The following NR3C2 variants were observed in gnomAD, a reference collection of about 807,000 sequenced individuals.
NR3C2 encodes mineralocorticoid receptor.
NR3C2 carries 15 observed loss-of-function variants against 86.4 expected under a neutral mutation model. The observed-to-expected ratio is 0.17, with a 90% CI of 0.12 to 0.27. NR3C2 has a LOEUF of 0.27. Among genes scored for constraint, NR3C2 ranks in the 10% least tolerant of loss-of-function variants. The pLI is 1.00. For synonymous variants in NR3C2, 458 were observed against 450.5 expected (o/e 1.02, Z -0.21); for missense variants, 960 against 1,195.6 (o/e 0.80, Z 2.91).
At chr4:148,224,433 T>C (rs944854482) in intron 3 of NR3C2, among the ~76,000 whole-genome samples, 1 of 152,226 alleles carries the variant, frequency 6.6e-6, no homozygotes, top group Non-Finnish European at 1.5e-5. Context: ...AAGCACTAAA[T>C]AAATGTTTGT....
chr4:148,405,147 T>C (rs1748352858), intron 2 of NR3C2, among the ~76,000 whole-genome samples: 1 of 152,216 alleles, frequency 6.6e-6, no homozygotes, highest in African/African-American at 2.4e-5. Flanking sequence ...AGCCAATCGA[T>C]GGAAATAGAT....
chr4:148,233,466 T>C (rs949036618), intron 3 of NR3C2, among the ~76,000 whole-genome samples: 1 of 151,534 alleles, frequency 6.6e-6, no homozygotes, highest in African/African-American at 2.4e-5. Flanking sequence ...GTTTAAATGA[T>C]CCTCACACTT....
chr4:148,234,953 T>G (rs1738671938), intron 3 of NR3C2, among the ~76,000 whole-genome samples: 1 of 152,162 alleles, frequency 6.6e-6, no homozygotes, highest in Admixed American at 6.5e-5. Context: ...CTGCTAAACA[T>G]GAAAATATTT....
intron 2 of NR3C2, among the ~76,000 whole-genome samples, chr4:148,417,472 T>C (rs1285819567): frequency 1.3e-5 from 2 of 152,210 alleles, no homozygotes; most frequent in South Asian, 2.1e-4. Context: ...ATCTTAAGCA[T>C]AGTGAGATTG....
intron 2 of NR3C2, among the ~76,000 whole-genome samples, chr4:148,345,502 T>C (rs983511950): frequency 2.0e-5 from 3 of 151,990 alleles, no homozygotes; most frequent in African/African-American, 7.2e-5. Flanking sequence ...ACAACCTCTA[T>C]CTTATGGATT....
intron 2 of NR3C2, among the ~76,000 whole-genome samples, chr4:148,364,725 T>C (rs1418203063): frequency 6.6e-6 from 1 of 152,194 alleles, no homozygotes; most frequent in African/African-American, 2.4e-5. Flanking sequence ...ATGTGCCATA[T>C]GGCCTGACTG....
At chr4:148,103,075 G>A (rs1731613225) in intron 8 of NR3C2, among the ~76,000 whole-genome samples, 1 of 152,156 alleles carries the variant, frequency 6.6e-6, no homozygotes, top group Non-Finnish European at 1.5e-5. Context: ...TCCCTCCCTT[G>A]GGATGTTAAC....
chr4:148,386,691 G>T (rs939761561), intron 2 of NR3C2, among the ~76,000 whole-genome samples: 19 of 152,080 alleles, frequency 1.2e-4, no homozygotes, highest in African/African-American at 4.6e-4. Flanking sequence ...CCTAACTCAG[G>T]GCCTGCAAAA....
Position 148,321,202 on chromosome 4 carries a change from T to C in NR3C2, c.1758-61085A>G, listed in dbSNP as rs1233586677. On this transcript the variant is annotated intron_variant, in intron 2 of 8. Coordinates refer to ENST00000358102, the MANE Select transcript of NR3C2 (RefSeq NM_000901.5). The stretch of plus-strand genomic sequence containing the variant: ...GTTGAGCGGTTTTGAGTGAGATTCT[T>C]AATCCTGAGTTCTAGTTTGATTGCA... Among the ~76,000 whole-genome samples, 74 of 127,846 alleles carry C rather than the reference T, an allele frequency of 5.8e-4. 17 individuals are homozygous for C. Among genetic ancestry groups the C allele is most frequent in the Non-Finnish European group, 3.5e-4 (20 of 56,892 alleles). 83.9% of individuals were successfully genotyped at this position (127,846 alleles called of 152,430 possible).
chr4:148,395,124 A>G lies in NR3C2; in HGVS notation c.1757+39980T>C, dbSNP rs1416074660. ...AGAAAAAAAAATAGGATATGTACTT[A>G]AATACACACGTGTGTGTATGTGTGG... On this transcript the variant is annotated intron_variant, in intron 2 of 8. Coordinates refer to ENST00000358102, the MANE Select transcript of NR3C2 (RefSeq NM_000901.5). 2.6e-5 allele frequency among the ~76,000 whole-genome samples: 4 copies of G among 152,194 alleles called. No homozygotes were observed. The East Asian group carries it at 5.8e-4, about 22-fold the overall frequency.
At chr4:148,314,272 T>G (rs1743049995) in intron 2 of NR3C2, among the ~76,000 whole-genome samples, 1 of 152,230 alleles carries the variant, frequency 6.6e-6, no homozygotes, top group Non-Finnish European at 1.5e-5. Context: ...CAGTTGCTGA[T>G]GCAAGTTATG....
chr4:148,364,840 G>A (rs1579209727), intron 2 of NR3C2, among the ~76,000 whole-genome samples: 2 of 149,968 alleles, frequency 1.3e-5, no homozygotes, highest in Non-Finnish European at 3.0e-5. Flanking sequence ...TGGAATACTG[G>A]CACAAACATA....
At chr4:148,432,711 CA>C (rs1265355747) in intron 2 of NR3C2, among the ~76,000 whole-genome samples, 6 of 151,980 alleles carry the variant, frequency 3.9e-5, no homozygotes. Flanking sequence ...AAGAAATAGG[CA>C]AAAAGGTTGG....
At chr4:148,345,945 G>A (rs189426800) in intron 2 of NR3C2, among the ~76,000 whole-genome samples, 86 of 152,206 alleles carry the variant, frequency 5.7e-4, no homozygotes, top group African/African-American at 1.8e-3. Context: ...TGAGGAGACC[G>A]ATCTAGGCCA....
At chr4:148,423,225 AT>A (rs1749368264) in intron 2 of NR3C2, among the ~76,000 whole-genome samples, 2 of 80,416 alleles carry the variant, frequency 2.5e-5, no homozygotes, top group African/African-American at 7.1e-5. Context: ...TCATTCCTGA[AT>A]TAAAAAAAAA....
At chr4:148,305,163 C>A (rs1364481671) in intron 2 of NR3C2, among the ~76,000 whole-genome samples, 1 of 152,046 alleles carries the variant, frequency 6.6e-6, no homozygotes, top group Non-Finnish European at 1.5e-5. Flanking sequence ...AATCCTGGTA[C>A]AAATATAATG....
At chr4:148,364,894 C>T (rs1432920887) in intron 2 of NR3C2, among the ~76,000 whole-genome samples, 1 of 150,180 alleles carries the variant, frequency 6.7e-6, no homozygotes, top group East Asian at 2.0e-4. Context: ...ACATGAAATT[C>T]ATTTATGTTT....
At chr4:148,349,655 A>T (rs1579191403) in intron 2 of NR3C2, among the ~76,000 whole-genome samples, 2 of 146,752 alleles carry the variant, frequency 1.4e-5, no homozygotes, top group African/African-American at 5.0e-5. Flanking sequence ...GGAAAAAAAA[A>T]TTCATAATAA....
At chr4:148,278,156 C>T (rs565116815) in intron 2 of NR3C2, among the ~76,000 whole-genome samples, 3 of 152,086 alleles carry the variant, frequency 2.0e-5, no homozygotes, top group Non-Finnish European at 4.4e-5. Flanking sequence ...GGCTGGAGTG[C>T]AGTGGTGTGA....
Sources: allele counts gnomAD v4.1 joint callset (sites outside exome capture counted in the v4.1 genomes callset), GRCh38; gene constraint gnomAD v4.1.1; transcripts MANE v1.5; gene names NCBI Gene and HGNC (gene_info 2026-07-23, HGNC 2026-07-21).